Variants in SHISA9 observed in about 807,000 individuals in gnomAD.
The protein encoded by SHISA9 is protein shisa-9.
SHISA9 carries 13 observed loss-of-function variants against 38.0 expected under a neutral mutation model. That is an observed-to-expected ratio of 0.34 (90% confidence interval 0.22 to 0.54). The LOEUF (loss-of-function observed/expected upper bound fraction) is 0.54. Ranked by LOEUF, SHISA9 falls within the 20% of genes least tolerant of loss-of-function variation. SHISA9 has a pLI of 0.91. For missense variants in SHISA9, 538 were observed against 575.8 expected, an observed-to-expected ratio of 0.93 and a Z score of 0.67; for synonymous variants, 275 against 242.0, an observed-to-expected ratio of 1.14 and a Z score of -1.27.
At chr16:13,244,373 G>A (rs750054556), downstream of SHISA9, among the ~76,000 whole-genome samples, 4 of 152,116 alleles carry the variant, frequency 2.6e-5, no homozygotes, top group African/African-American at 9.7e-5. Flanking sequence ...GAGACAGCAA[G>A]ACCAAGCCCT....
At chr16:13,196,540 T>C (rs2050945263) in intron 2 of SHISA9, among the ~76,000 whole-genome samples, 1 of 152,184 alleles carries the variant, frequency 6.6e-6, no homozygotes, top group Non-Finnish European at 1.5e-5. Flanking sequence ...TATGACTAAA[T>C]TCTAAGTTTA....
intron 2 of SHISA9, among the ~76,000 whole-genome samples, chr16:12,947,319 T>A (rs1473336722): frequency 6.6e-6 from 1 of 152,234 alleles, no homozygotes; most frequent in Non-Finnish European, 1.5e-5. Context: ...CAGTAGCTTG[T>A]TTAAGTGAAG....
the SHISA9 span, among the ~76,000 whole-genome samples, chr16:13,442,191 G>T: frequency 1.3e-5 from 2 of 152,114 alleles, no homozygotes; most frequent in African/African-American, 4.8e-5. Flanking sequence ...ATGTTTCTTT[G>T]CTTGTTTTGG....
the SHISA9 span, among the ~76,000 whole-genome samples, chr16:13,296,426 G>A: frequency 7.3e-4 from 110 of 151,430 alleles, no homozygotes; most frequent in African/African-American, 2.4e-3. Flanking sequence ...CAGCACGCAG[G>A]GGGGAAAAAA....
At chr16:13,199,014 TTC>T (rs1233269099) in intron 2 of SHISA9, among the ~76,000 whole-genome samples, 1 of 152,226 alleles carries the variant, frequency 6.6e-6, no homozygotes, top group African/African-American at 2.4e-5. Context: ...ATATCATGTA[TTC>T]TGTTTAATAA....
the SHISA9 span, among the ~76,000 whole-genome samples, chr16:13,325,172 T>G: frequency 6.6e-6 from 1 of 152,162 alleles, no homozygotes; most frequent in Non-Finnish European, 1.5e-5. Context: ...GAATGCAAAT[T>G]TTCCCCCAGA....
the SHISA9 span, among the ~76,000 whole-genome samples, chr16:13,481,310 T>G: frequency 7.7e-6 from 1 of 130,220 alleles, no homozygotes; most frequent in African/African-American, 2.5e-5. Context: ...ATCATTTCTA[T>G]ATGTTGGGTA....
intron 2 of SHISA9, among the ~76,000 whole-genome samples, chr16:13,102,922 A>C (rs958444078): frequency 6.6e-6 from 1 of 152,230 alleles, no homozygotes; most frequent in Non-Finnish European, 1.5e-5. Flanking sequence ...AGACAAGTTC[A>C]TGGGTTGGCA....
the SHISA9 span, among the ~76,000 whole-genome samples, chr16:13,333,047 C>T: frequency 2.0e-5 from 3 of 152,304 alleles, no homozygotes; most frequent in East Asian, 5.8e-4. Flanking sequence ...TCTGCCGTGC[C>T]CGTCGAAGTC....
At chr16:13,099,170 G>A (rs2073854926) in intron 2 of SHISA9, among the ~76,000 whole-genome samples, 1 of 152,202 alleles carries the variant, frequency 6.6e-6, no homozygotes, top group Non-Finnish European at 1.5e-5. Flanking sequence ...GGCTGATGCT[G>A]CTACAACAGA....
At chr16:13,254,301 A>G in the SHISA9 span, among the ~76,000 whole-genome samples, 1 of 152,224 alleles carries the variant, frequency 6.6e-6, no homozygotes, top group African/African-American at 2.4e-5. Flanking sequence ...ACTCAAGTCT[A>G]TCATCTGGTC....
At chr16:13,269,194 A>G in the SHISA9 span, among the ~76,000 whole-genome samples, 1 of 152,190 alleles carries the variant, frequency 6.6e-6, no homozygotes, top group Admixed American at 6.5e-5. Flanking sequence ...AAAACACTGT[A>G]GGGCTTTTGT....
chr16:13,302,548 A>G, the SHISA9 span, among the ~76,000 whole-genome samples: 9 of 152,136 alleles, frequency 5.9e-5, no homozygotes, highest in Non-Finnish European at 1.3e-4. Context: ...GACTCTCTCC[A>G]TGAACTAAAC....
chr16:13,172,104 A>G (rs2050691704), intron 2 of SHISA9, among the ~76,000 whole-genome samples: 1 of 151,740 alleles, frequency 6.6e-6, no homozygotes, highest in Non-Finnish European at 1.5e-5. Flanking sequence ...CCTTTATAAA[A>G]TGAGCTAACT....
the SHISA9 span, among the ~76,000 whole-genome samples, chr16:13,320,956 C>A: frequency 6.6e-6 from 1 of 152,166 alleles, no homozygotes; most frequent in Admixed American, 6.5e-5. Flanking sequence ...ATGCTGTAAA[C>A]CTTGTGTCTG....
At chr16:13,331,094 T>C in the SHISA9 span, among the ~76,000 whole-genome samples, 2 of 152,026 alleles carry the variant, frequency 1.3e-5, no homozygotes, top group Non-Finnish European at 2.9e-5. Context: ...AAGTAATAGA[T>C]ATTGAGTAAG....
chr16:13,244,551 G>C (rs1287841533), downstream of SHISA9, among the ~76,000 whole-genome samples: 1 of 151,974 alleles, frequency 6.6e-6, no homozygotes, highest in African/African-American at 2.4e-5. Context: ...TTATATATTT[G>C]TATACATACA....
the SHISA9 span, among the ~76,000 whole-genome samples, chr16:13,376,800 A>T: frequency 6.6e-6 from 1 of 151,800 alleles, no homozygotes; most frequent in Non-Finnish European, 1.5e-5. Context: ...CGATCCTCCC[A>T]CCTCAGCCTC....
intron 2 of SHISA9, among the ~76,000 whole-genome samples, chr16:12,931,785 G>A (rs1024547954): frequency 6.6e-6 from 1 of 152,070 alleles, no homozygotes; most frequent in Admixed American, 6.5e-5. Context: ...GGATTGCTAG[G>A]TCAGATGAAG....
Sources: gnomAD v4.1 joint callset for allele counts (sites outside exome capture counted in the v4.1 genomes callset) on GRCh38, gnomAD v4.1.1 for gene constraint, MANE v1.5 for transcripts, NCBI Gene and HGNC (gene_info 2026-07-23, HGNC 2026-07-21) for gene names.